Variants in OR5H14 observed in about 807,000 individuals in gnomAD.
The protein encoded by OR5H14 is olfactory receptor family 5 subfamily H member 14, also known as olfactory receptor 5H14.
For missense variants in OR5H14, 392 were observed against 363.9 expected, an observed-to-expected ratio of 1.08 and a Z score of -0.63; for synonymous variants, 155 against 130.6, an observed-to-expected ratio of 1.19 and a Z score of -1.28.
At position 98,153,220 on chromosome 3, in the gene OR5H14, G is replaced by C. The variant is rs572040122; in HGVS notation, c.*2902G>C. The C allele has an allele frequency of 6.6e-6, 1 of 152,248 alleles. No individual in the cohort carries two copies. Among genetic ancestry groups the C allele is most frequent in the African/African-American group, 2.4e-5 (1 of 41,538 alleles). The allele number at this position is 152,248 out of a possible 1,614,324, so 9.4% of individuals were successfully genotyped here. Reference sequence around the variant, plus strand: ...GATGACCCCTTGAGGAAAATACCAAGGAACTGGGGAGTACTCCATAGTCAA... The same window carrying C: ...GATGACCCCTTGAGGAAAATACCAACGAACTGGGGAGTACTCCATAGTCAA... On this transcript the variant is annotated 3_prime_UTR_variant, in exon 2 of 2. Coordinates refer to ENST00000641380, the MANE Select transcript of OR5H14 (RefSeq NM_001005514.2).
chr3:98,147,852 A>G (rs893672724), intron 1 of OR5H14, among the ~76,000 whole-genome samples: 2 of 152,028 alleles, frequency 1.3e-5, no homozygotes, highest in Admixed American at 1.3e-4. Context: ...AAAGGTTCAG[A>G]TCATAATGAT....
At chr3:98,147,845 G>A (rs1708443011) in intron 1 of OR5H14, among the ~76,000 whole-genome samples, 1 of 151,834 alleles carries the variant, frequency 6.6e-6, no homozygotes, top group Non-Finnish European at 1.5e-5. Context: ...TTGGTTTAAA[G>A]GTTCAGATCA....
chr3:98,149,319 C>G (rs1274269483), intron 1 of OR5H14, 49 bp from the exon 2 acceptor site: 13 of 1,573,398 alleles, frequency 8.3e-6, no homozygotes, highest in Non-Finnish European at 1.1e-5. Context: ...AATTTCAACT[C>G]ATAATGTCAT....
chr3:98,155,531 A>T lies in OR5H14; in HGVS notation c.*5213A>T, dbSNP rs1053510586. On this transcript the variant is annotated 3_prime_UTR_variant, in exon 2 of 2. Coordinates refer to ENST00000641380, the MANE Select transcript of OR5H14 (RefSeq NM_001005514.2). ...TAGTGACAGCACCAACTAGGTGGCA[A>T]GGCATTGCAAGATTGTCTTTGTTTT... is the stretch of plus-strand genomic sequence containing the variant. The T allele has an allele frequency of 4.6e-5, 7 of 152,364 alleles. No homozygotes were observed. In the East Asian group the frequency reaches 1.2e-3, roughly 25 times the overall value. The allele number at this position is 152,364 out of a possible 1,614,324, so 9.4% of individuals were successfully genotyped here. A position where few individuals can be genotyped will look rare whatever the true frequency, so the allele number is the denominator to read the frequency against.
rs772736386 is a variant in OR5H14, at chr3:98,150,113, C to A, written c.728C>A (p.Ala243Asp). 1.9e-6 allele frequency: 3 copies of A among 1,610,384 alleles called. No individual in the cohort carries two copies. The highest frequency in any genetic ancestry group is 2.5e-6 in the Non-Finnish European group (3 of 1,178,956). Residue 243 changes from alanine (A) to aspartate (D), a missense_variant, in exon 2 of 2, where the codon GCT (alanine) becomes GAT (aspartate). By Grantham distance (126) the Ala-to-Asp change is moderately radical (BLOSUM62 -2). Transcript: ENST00000641380. ...GMRKAFSTCGAHLLSVSLYYG... is the reference protein window; with the variant it reads ...GMRKAFSTCGDHLLSVSLYYG... ...AGAAAAGCCTTCTCCACCTGTGGAG[C>A]TCATCTCTTATCTGTATCTTTATAC...
At position 98,149,826 on chromosome 3, in the gene OR5H14, G is replaced by T. The variant is rs148337288; in HGVS notation, c.441G>T (p.Leu147Phe). The change falls in exon 2 of 2, where the codon TTG becomes TTT. Residue 147 changes from leucine (L) to phenylalanine (F), a missense_variant. Coordinates refer to ENST00000641380, the MANE Select transcript of OR5H14 (RefSeq NM_001005514.2). Reference sequence around the variant, plus strand: ...GACTGTGCATCCGGCTATTAATCTTGTCATATGTAGGTGGTCTTCTTCATG... The same window carrying T: ...GACTGTGCATCCGGCTATTAATCTTTTCATATGTAGGTGGTCTTCTTCATG... Reference protein sequence around the residue: ...TNGLCIRLLILSYVGGLLHAL... With the variant: ...TNGLCIRLLIFSYVGGLLHAL... 927 of 1,612,752 alleles carry T rather than the reference G, an allele frequency of 5.7e-4. 20 individuals are homozygous for T. In the African/African-American group the frequency reaches 0.011, roughly 20 times the overall value.
Position 98,150,508 on chromosome 3 carries a change from T to C in OR5H14, c.*190T>C, listed in dbSNP as rs1708490840. 1 of 430,236 alleles carries C rather than the reference T, an allele frequency of 2.3e-6. No individual in the cohort carries two copies. Among genetic ancestry groups the C allele is most frequent in the Non-Finnish European group, 4.1e-6 (1 of 243,662 alleles). The allele number at this position is 430,236 out of a possible 1,614,324, so 26.7% of individuals were successfully genotyped here. ...TGTTATTCAAAAGGATTTGAGAAAT[T>C]TTAATCAAGTCTTCATAATAGAATA... On this transcript the variant is annotated 3_prime_UTR_variant, in exon 2 of 2. Coordinates refer to ENST00000641380, the MANE Select transcript of OR5H14 (RefSeq NM_001005514.2).
Position 98,150,318 on chromosome 3 carries a change from G to T in OR5H14, c.933G>T (p.Ter311TyrextTer19). 6.5e-7 allele frequency: 1 copy of T among 1,528,234 alleles called. No individual in the cohort carries two copies. The allele number at this position is 1,528,234 out of a possible 1,614,324, so 94.7% of individuals were successfully genotyped here. Reference sequence around the variant, plus strand: ...AAATGTTCAAAAGAAATGATGTTTAGATCATTACTAATATCTCTTTTCTAT... The same window carrying T: ...AAATGTTCAAAAGAAATGATGTTTATATCATTACTAATATCTCTTTTCTAT... The part of the protein sequence containing the change: ...FTKMFKRNDV[*>Y] The change falls in exon 2 of 2, where the codon TAG (stop) becomes TAT (tyrosine). Residue 311 changes from the stop codon to tyrosine (Y), a stop_lost. Coordinates refer to ENST00000641380, the MANE Select transcript of OR5H14 (RefSeq NM_001005514.2).
rs1287370445 is a variant in OR5H14 at position 98,150,474 on chromosome 3, A to T, written c.*156A>T. On this transcript the variant is annotated 3_prime_UTR_variant, in exon 2 of 2. Transcript: ENST00000641380. ...ATAAGCACCTATTTAACTAATTAAA[A>T]TATTCCTATGTTATTCAAAAGGATT... The T allele has an allele frequency of 4.2e-6, 2 of 472,880 alleles. No homozygotes were observed. Among genetic ancestry groups the T allele is most frequent in the Non-Finnish European group, 7.4e-6 (2 of 269,296 alleles). The allele number at this position is 472,880 out of a possible 1,614,324, so 29.3% of individuals were successfully genotyped here. A position where few individuals can be genotyped will look rare whatever the true frequency, so the allele number is the denominator to read the frequency against.
At position 98,153,765 on chromosome 3, in the gene OR5H14, A is replaced by G. The variant is rs1440978599; in HGVS notation, c.*3447A>G. On this transcript the variant is annotated 3_prime_UTR_variant, in exon 2 of 2. Transcript: ENST00000641380. ...CAGTCTGAATGTCTCTGATTATGTT[A>G]TTGGATGTTTTGGTGAACTTTTTAG... 6.6e-6 allele frequency: 1 copy of G among 152,034 alleles called. No individual in the cohort carries two copies. The highest frequency in any genetic ancestry group is 1.5e-5 in the Non-Finnish European group (1 of 68,014). The allele number at this position is 152,034 out of a possible 1,614,324, so 9.4% of individuals were successfully genotyped here. A position where few individuals can be genotyped will look rare whatever the true frequency, so the allele number is the denominator to read the frequency against.
rs139958192 is a variant in OR5H14, at chr3:98,149,413, A to G, written c.28A>G (p.Thr10Ala). ...GGAAGAGGAAAATGCAACATTGCTG[A>G]CAGAGTTTGTTCTCACAGGATTTTT... Reference protein sequence around the residue: MEEENATLLTEFVLTGFLYQ... With the variant: MEEENATLLAEFVLTGFLYQ... Residue 10 changes from threonine (T) to alanine (A), a missense_variant, in exon 2 of 2, where the codon ACA (threonine) becomes GCA (alanine). Coordinates refer to ENST00000641380, the MANE Select transcript of OR5H14 (RefSeq NM_001005514.2). 5.1e-4 allele frequency: 829 copies of G among 1,613,118 alleles called. 6 individuals carry two copies. Among genetic ancestry groups the G allele is most frequent in the East Asian group, 5.0e-3 (226 of 44,850 alleles).
At position 98,156,537 on chromosome 3, in the gene OR5H14, C is replaced by T. The variant is rs943425835; in HGVS notation, c.*6219C>T. 15 of 152,076 alleles carry T rather than the reference C, an allele frequency of 9.9e-5. No homozygotes were observed. Among genetic ancestry groups the T allele is most frequent in the African/African-American group, 3.6e-4 (15 of 41,438 alleles). The allele number at this position is 152,076 out of a possible 1,614,324, so 9.4% of individuals were successfully genotyped here. A position where few individuals can be genotyped will look rare whatever the true frequency, so the allele number is the denominator to read the frequency against. Reference sequence around the variant, plus strand: ...GTTATAAGTTCTGGCTAATTAGAAGCTTAAATGTTTTAAAGCTGGGTTTAA... The same window carrying T: ...GTTATAAGTTCTGGCTAATTAGAAGTTTAAATGTTTTAAAGCTGGGTTTAA... On this transcript the variant is annotated 3_prime_UTR_variant, in exon 2 of 2. Transcript: ENST00000641380.
Position 98,151,664 on chromosome 3 carries a change from A to T in OR5H14, c.*1346A>T, listed in dbSNP as rs891150933. On this transcript the variant is annotated 3_prime_UTR_variant, in exon 2 of 2. Coordinates refer to ENST00000641380, the MANE Select transcript of OR5H14 (RefSeq NM_001005514.2). ...GGTGTCAATATCTATGTATACATAC[A>T]CTTATGTATACATGAGAGGAGAGAA... is the stretch of plus-strand genomic sequence containing the variant. 3.3e-5 allele frequency: 5 copies of T among 152,164 alleles called. No individual in the cohort carries two copies. Among genetic ancestry groups the T allele is most frequent in the African/African-American group, 1.2e-4 (5 of 41,450 alleles). 9.4% of individuals were successfully genotyped at this position (152,164 alleles called of 1,614,324 possible).
rs1708569467 is a variant in OR5H14 at position 98,155,174 on chromosome 3, ACAAC to A, written c.*4860_*4863del. On this transcript the variant is annotated 3_prime_UTR_variant, in exon 2 of 2. Transcript: ENST00000641380. The stretch of plus-strand genomic sequence containing the variant: ...TAACCCCTATGATTTTATCCCCAAC[ACAAC>A]CAATCAGCTTTCCTCATTCCTTAGA... The A allele has an allele frequency of 6.6e-6, 1 of 151,944 alleles. No individual in the cohort carries two copies. The highest frequency in any genetic ancestry group is 1.5e-5 in the Non-Finnish European group (1 of 67,988). The allele number at this position is 151,944 out of a possible 1,614,324, so 9.4% of individuals were successfully genotyped here.
Position 98,156,041 on chromosome 3 carries a change from C to G in OR5H14, c.*5723C>G, listed in dbSNP as rs1283361372. The G allele has an allele frequency of 6.6e-6, 1 of 152,150 alleles. No homozygotes were observed. The highest frequency in any genetic ancestry group is 2.4e-5 in the African/African-American group (1 of 41,442). The allele number at this position is 152,150 out of a possible 1,614,324, so 9.4% of individuals were successfully genotyped here. A position where few individuals can be genotyped will look rare whatever the true frequency, so the allele number is the denominator to read the frequency against. On this transcript the variant is annotated 3_prime_UTR_variant, in exon 2 of 2. Coordinates refer to ENST00000641380, the MANE Select transcript of OR5H14 (RefSeq NM_001005514.2). ...AGATGCTCTCAGGGGAATTTCAGTT[C>G]TCTGACTTTTTCTCTCCTGGTCAAA... is the stretch of plus-strand genomic sequence containing the variant.
Position 98,154,270 on chromosome 3 carries a change from T to G in OR5H14, c.*3952T>G, listed in dbSNP as rs1428445135. On this transcript the variant is annotated 3_prime_UTR_variant, in exon 2 of 2. Coordinates refer to ENST00000641380, the MANE Select transcript of OR5H14 (RefSeq NM_001005514.2). ...TTATTTTCCCAACCCTTTTTGTTCC[T>G]TTTCTGGAAGATTGAGGGGTTGGAT... 1 of 152,218 alleles carries G rather than the reference T, an allele frequency of 6.6e-6. No homozygotes were observed. Among genetic ancestry groups the G allele is most frequent in the African/African-American group, 2.4e-5 (1 of 41,474 alleles). 9.4% of individuals were successfully genotyped at this position (152,218 alleles called of 1,614,324 possible).
At position 98,150,068 on chromosome 3, in the gene OR5H14, A is replaced by C; in HGVS notation, c.683A>C (p.Lys228Thr). The change falls in exon 2 of 2, where the codon AAG becomes ACG. Residue 228 changes from lysine to threonine, a missense_variant. Lys to Thr is a moderately conservative substitution (Grantham distance 78, BLOSUM62 -1). Transcript: ENST00000641380. ...YIFVLYTILK[K>T]KSVKGMRKAF... Reference sequence around the variant, plus strand: ...TTTGTCCTCTATACAATCTTGAAAAAGAAGTCTGTCAAAGGTATGAGAAAA... The same window carrying C: ...TTTGTCCTCTATACAATCTTGAAAACGAAGTCTGTCAAAGGTATGAGAAAA... 6.2e-7 allele frequency: 1 copy of C among 1,611,378 alleles called. No homozygotes were observed.
Position 98,152,041 on chromosome 3 carries a change from C to G in OR5H14, c.*1723C>G, listed in dbSNP as rs1708515652. 6.6e-6 allele frequency: 1 copy of G among 152,134 alleles called. No homozygotes were observed. The highest frequency in any genetic ancestry group is 2.1e-4 in the South Asian group (1 of 4,822). The allele number at this position is 152,134 out of a possible 1,614,324, so 9.4% of individuals were successfully genotyped here. A position where few individuals can be genotyped will look rare whatever the true frequency, so the allele number is the denominator to read the frequency against. On this transcript the variant is annotated 3_prime_UTR_variant, in exon 2 of 2. Coordinates refer to ENST00000641380, the MANE Select transcript of OR5H14 (RefSeq NM_001005514.2). ...AGAAGACATTTATGCAACCAGCAAG[C>G]ATGTGAAAACCTTGTCATCACTGGT...
rs754543274 is a variant in OR5H14, at chr3:98,154,704, A to G, written c.*4386A>G. On this transcript the variant is annotated 3_prime_UTR_variant, in exon 2 of 2. Coordinates refer to ENST00000641380, the MANE Select transcript of OR5H14 (RefSeq NM_001005514.2). ...AAAAATGATGACAGAAAAATCTCAC[A>G]TAGGAATATTATGACAGTGAATCTG... is the stretch of plus-strand genomic sequence containing the variant. The G allele has an allele frequency of 6.6e-6, 1 of 152,262 alleles. No homozygotes were observed. Among genetic ancestry groups the G allele is most frequent in the African/African-American group, 2.4e-5 (1 of 41,480 alleles). 9.4% of individuals were successfully genotyped at this position (152,262 alleles called of 1,614,324 possible). A position where few individuals can be genotyped will look rare whatever the true frequency, so the allele number is the denominator to read the frequency against.
Sources: gnomAD v4.1 joint callset for allele counts (sites outside exome capture counted in the v4.1 genomes callset) on GRCh38, gnomAD v4.1.1 for gene constraint, MANE v1.5 for transcripts, NCBI Gene and HGNC (gene_info 2026-07-23, HGNC 2026-07-21) for gene names.